PCDH15: variants seen among roughly 807,000 people sequenced by gnomAD.
The protein encoded by PCDH15 is protocadherin-15.
A neutral mutation model predicts 178.5 loss-of-function variants in PCDH15; 129 were observed. The ratio of observed to expected loss-of-function variants is 0.72; its 90% confidence interval spans 0.63 to 0.84. The LOEUF (loss-of-function observed/expected upper bound fraction) is 0.84, where lower values mean the gene tolerates loss of function less well. Among genes scored for constraint, PCDH15 ranks in the 40% least tolerant of loss-of-function variants. The probability of loss-of-function intolerance (pLI) is 0.00; values close to 1 mark genes in which losing one functional copy is unlikely to be tolerated. For missense variants in PCDH15, 2,230 were observed against 2,099.9 expected (o/e 1.06, Z -1.21); for synonymous variants, 800 against 732.0 (o/e 1.09, Z -1.50).
intron 2 of PCDH15, among the ~76,000 whole-genome samples, chr10:55,408,877 T>C (rs1312879028): frequency 6.6e-6 from 1 of 152,178 alleles, no homozygotes; most frequent in African/African-American, 2.4e-5. Context: ...TGGACAATTT[T>C]AAGCTCTCTG....
chr10:54,709,375 T>G (rs936189934), intron 1 of PCDH15, among the ~76,000 whole-genome samples: 1 of 151,884 alleles, frequency 6.6e-6, no homozygotes. Context: ...TATACATTAA[T>G]GAAGAAATAC....
intron 21 of PCDH15, among the ~76,000 whole-genome samples, chr10:53,971,699 GA>G (rs2089703776): frequency 6.6e-6 from 1 of 152,140 alleles, no homozygotes; most frequent in South Asian, 2.1e-4. Flanking sequence ...TTGCTTCAAA[GA>G]GAATAAAATA....
chr10:54,465,547 C>T (rs2077462104), intron 3 of PCDH15, among the ~76,000 whole-genome samples: 1 of 151,978 alleles, frequency 6.6e-6, no homozygotes, highest in South Asian at 2.1e-4. Context: ...CCATTTTACC[C>T]CATGTTGCTG....
At chr10:55,125,640 A>T (rs1837879559) in intron 2 of PCDH15, among the ~76,000 whole-genome samples, 1 of 152,106 alleles carries the variant, frequency 6.6e-6, no homozygotes. Flanking sequence ...TTACGAGAGA[A>T]AAAAAGCAAA....
chr10:54,004,925 G>T (rs2092329624), intron 20 of PCDH15, among the ~76,000 whole-genome samples: 1 of 145,022 alleles, frequency 6.9e-6, no homozygotes, highest in Non-Finnish European at 1.5e-5. Context: ...CAGAGCTATA[G>T]TAAACAAAAT....
intron 2 of PCDH15, among the ~76,000 whole-genome samples, chr10:55,100,296 C>G (rs952649465): frequency 6.6e-6 from 1 of 152,006 alleles, no homozygotes; most frequent in African/African-American, 2.4e-5. Context: ...TGAAAGCTTT[C>G]TTTAGATGTT....
At chr10:55,045,538 A>G (rs1399892004) in intron 2 of PCDH15, among the ~76,000 whole-genome samples, 1 of 152,062 alleles carries the variant, frequency 6.6e-6, no homozygotes, top group Non-Finnish European at 1.5e-5. Context: ...ATTTACTTCA[A>G]ATGTTTCATA....
At chr10:55,254,064 A>C (rs1197188920) in intron 1 of PCDH15, among the ~76,000 whole-genome samples, 1 of 152,178 alleles carries the variant, frequency 6.6e-6, no homozygotes, top group Non-Finnish European at 1.5e-5. Context: ...CTTGATTGTT[A>C]CTGGTAGAAG....
At chr10:53,939,093 C>T (rs2085829646) in intron 24 of PCDH15, 138 bp from the exon 25 acceptor site, 1 of 823,612 alleles carries the variant, frequency 1.2e-6, no homozygotes. Context: ...TGACAAAATG[C>T]TGGCTTTTGG....
chr10:53,973,518 T>G (rs1438209770), intron 21 of PCDH15, among the ~76,000 whole-genome samples: 3 of 152,230 alleles, frequency 2.0e-5, no homozygotes, highest in Non-Finnish European at 4.4e-5. Flanking sequence ...TATATCATTT[T>G]GAAATTGTGA....
At chr10:55,595,205 AT>A (rs2132136114) in intron 2 of PCDH15, among the ~76,000 whole-genome samples, 1 of 152,164 alleles carries the variant, frequency 6.6e-6, no homozygotes, top group East Asian at 1.9e-4. Flanking sequence ...TAAATTCAAC[AT>A]TTAGGAAGTT....
intron 2 of PCDH15, among the ~76,000 whole-genome samples, chr10:55,368,703 T>C (rs1222407790): frequency 6.6e-6 from 1 of 152,164 alleles, no homozygotes; most frequent in Admixed American, 6.6e-5. Flanking sequence ...GAGTATTGGC[T>C]GAAAGCCCTT....
At chr10:54,283,885 T>C (rs1004743884) in intron 8 of PCDH15, among the ~76,000 whole-genome samples, 3 of 152,268 alleles carry the variant, frequency 2.0e-5, no homozygotes, top group African/African-American at 7.2e-5. Context: ...GTCTCACTCT[T>C]TCACCTGGGC....
At chr10:54,361,185 G>T (rs537355264) in intron 5 of PCDH15, among the ~76,000 whole-genome samples, 8 of 151,958 alleles carry the variant, frequency 5.3e-5, no homozygotes, top group Non-Finnish European at 1.0e-4. Flanking sequence ...ACCCACAGAG[G>T]TTTCACATCC....
intron 2 of PCDH15, among the ~76,000 whole-genome samples, chr10:55,585,733 ATG>A (rs1233995041): frequency 1.3e-5 from 2 of 151,930 alleles, no homozygotes; most frequent in Non-Finnish European, 2.9e-5. Context: ...GTATGTGTAT[ATG>A]TGTGTGTATA....
At chr10:55,112,621 A>G (rs1174210985) in intron 2 of PCDH15, among the ~76,000 whole-genome samples, 1 of 152,176 alleles carries the variant, frequency 6.6e-6, no homozygotes, top group Admixed American at 6.5e-5. Flanking sequence ...AGTAAGGCGC[A>G]GTTCTTCAGG....
At chr10:54,518,867 T>C (rs1249215560) in intron 3 of PCDH15, among the ~76,000 whole-genome samples, 1 of 152,156 alleles carries the variant, frequency 6.6e-6, no homozygotes, top group East Asian at 1.9e-4. Flanking sequence ...TGCACCATGA[T>C]CAAGTGGGCT....
At chr10:55,197,731 A>AATTTTAT (rs1230273842) in intron 1 of PCDH15, among the ~76,000 whole-genome samples, 4 of 152,102 alleles carry the variant, frequency 2.6e-5, no homozygotes, top group Non-Finnish European at 5.9e-5. Flanking sequence ...ATTCCTGGTA[A>AATTTTAT]GTACATTATC....
chr10:54,293,215 G>A (rs1160542289), intron 8 of PCDH15, among the ~76,000 whole-genome samples: 2 of 152,144 alleles, frequency 1.3e-5, no homozygotes, highest in Non-Finnish European at 2.9e-5. Context: ...AAGCAATGGG[G>A]AAACGATTCC....
Sources: allele counts gnomAD v4.1 joint callset (sites outside exome capture counted in the v4.1 genomes callset), GRCh38; gene constraint gnomAD v4.1.1; transcripts MANE v1.5; gene names NCBI Gene and HGNC (gene_info 2026-07-23, HGNC 2026-07-21).